The following FRMD4A variants were observed in gnomAD, a reference collection of about 807,000 sequenced individuals.
The protein encoded by FRMD4A is FERM domain containing 4A, also known as FERM domain-containing protein 4A.
FRMD4A carries 29 observed loss-of-function variants against 129.1 expected under a neutral mutation model. The observed-to-expected ratio is 0.22, with a 90% confidence interval of 0.17 to 0.31. The LOEUF (loss-of-function observed/expected upper bound fraction) is 0.31. Among genes scored for constraint, FRMD4A ranks in the 10% least tolerant of loss-of-function variants. The probability of loss-of-function intolerance (pLI) is 1.00; values close to 1 mark genes in which losing one functional copy is unlikely to be tolerated. For synonymous variants in FRMD4A, 634 were observed against 571.6 expected, an observed-to-expected ratio of 1.11 and a Z score of -1.56; for missense variants, 1,272 against 1,375.8, an observed-to-expected ratio of 0.92 and a Z score of 1.19.
chr10:14,287,138 C>A (rs1026249032), intron 2 of FRMD4A, among the ~76,000 whole-genome samples: 1 of 107,266 alleles, frequency 9.3e-6, no homozygotes, highest in African/African-American at 4.6e-5. Context: ...TTTGACAGGC[C>A]CCCCGCTCCG....
intron 8 of FRMD4A, among the ~76,000 whole-genome samples, chr10:13,759,803 C>CGG (rs1272075770): frequency 3.3e-5 from 5 of 152,176 alleles, no homozygotes; most frequent in Non-Finnish European, 7.3e-5. Flanking sequence ...AAGCTACTTA[C>CGG]AGTCATTATC....
chr10:13,975,065 G>T (rs1233647510), intron 2 of FRMD4A, among the ~76,000 whole-genome samples: 1 of 151,828 alleles, frequency 6.6e-6, no homozygotes, highest in African/African-American at 2.4e-5. Flanking sequence ...GTCTGTGTGT[G>T]TATGTGTGTC....
At chr10:13,928,210 A>C (rs111842719) in intron 2 of FRMD4A, among the ~76,000 whole-genome samples, 2 of 150,724 alleles carry the variant, frequency 1.3e-5, no homozygotes, top group Non-Finnish European at 2.9e-5. Flanking sequence ...TTTGCATAGA[A>C]GAAGTCTTGC....
At chr10:13,678,009 T>C (rs1165865334) in intron 15 of FRMD4A, among the ~76,000 whole-genome samples, 1 of 152,212 alleles carries the variant, frequency 6.6e-6, no homozygotes, top group African/African-American at 2.4e-5. Flanking sequence ...GAATTAACTG[T>C]GTTCTGGAAT....
At chr10:13,990,750 G>C (rs1228836888) in intron 2 of FRMD4A, among the ~76,000 whole-genome samples, 2 of 152,196 alleles carry the variant, frequency 1.3e-5, no homozygotes, top group Non-Finnish European at 2.9e-5. Flanking sequence ...ACTCAGAAAC[G>C]TGTAAGTGCC....
intron 2 of FRMD4A, among the ~76,000 whole-genome samples, chr10:14,200,104 T>C (rs1842592058): frequency 6.7e-6 from 1 of 149,084 alleles, no homozygotes; most frequent in Non-Finnish European, 1.5e-5. Context: ...CACAGCTCAC[T>C]ACAGCCATGA....
At chr10:13,942,315 G>T (rs2095298625) in intron 2 of FRMD4A, among the ~76,000 whole-genome samples, 1 of 152,180 alleles carries the variant, frequency 6.6e-6, no homozygotes, top group African/African-American at 2.4e-5. Context: ...CCCTCCCTGT[G>T]TACTGCCTGG....
intron 12 of FRMD4A, among the ~76,000 whole-genome samples, chr10:13,731,723 G>C (rs1003716272): frequency 2.0e-5 from 3 of 150,954 alleles, no homozygotes. Flanking sequence ...CTCTTAAAAA[G>C]AACTTATATA....
chr10:14,314,506 GGA>G (rs1199826984), intron 2 of FRMD4A, among the ~76,000 whole-genome samples: 1 of 152,048 alleles, frequency 6.6e-6, no homozygotes, highest in Non-Finnish European at 1.5e-5. Context: ...GGAGCTTCTG[GGA>G]GAGATTTTCC....
intron 3 of FRMD4A, among the ~76,000 whole-genome samples, chr10:13,833,713 T>C (rs914141088): frequency 3.9e-5 from 6 of 152,038 alleles, no homozygotes; most frequent in Non-Finnish European, 7.4e-5. Flanking sequence ...GCCTAGCATC[T>C]CGTAAGTCTT....
rs199639328 is a variant in FRMD4A at position 13,834,267 on chromosome 10, AAAC to A, written c.112-23362_112-23360del. Among the ~76,000 whole-genome samples the A allele has an allele frequency of 2.6e-3, 398 of 152,176 alleles. 3 individuals are homozygous for A. The highest frequency in any genetic ancestry group is 8.7e-3 in the African/African-American group (362 of 41,514). The stretch of plus-strand genomic sequence containing the variant: ...CAACAGAGTAAGACTCCATCTCAGA[AAAC>A]AACAACAACAACAAAACAAAACAAA... On this transcript the variant is annotated intron_variant, in intron 3 of 24. Coordinates refer to ENST00000357447, the MANE Select transcript of FRMD4A (RefSeq NM_018027.5).
In FRMD4A at chr10:13,967,858, C is replaced by T. The variant is rs541605918; in HGVS notation, c.46-108946G>A. Reference sequence around the variant, plus strand: ...CCCAGGAGTTTGAGACCAGTCTGGACGACATGGCGAAACCCCATCTCTACA... The same window carrying T: ...CCCAGGAGTTTGAGACCAGTCTGGATGACATGGCGAAACCCCATCTCTACA... On this transcript the variant is annotated intron_variant, in intron 2 of 24. Coordinates refer to ENST00000357447, the MANE Select transcript of FRMD4A (RefSeq NM_018027.5). Among the ~76,000 whole-genome samples the T allele has an allele frequency of 1.5e-3, 226 of 152,288 alleles. 1 individual carries two copies. The highest frequency in any genetic ancestry group is 3.4e-3 in the Middle Eastern group (1 of 294).
At chr10:13,734,637 G>C (rs1245724922) in intron 12 of FRMD4A, among the ~76,000 whole-genome samples, 1 of 129,838 alleles carries the variant, frequency 7.7e-6, no homozygotes, top group Non-Finnish European at 1.7e-5. Context: ...CTTCCTCTGT[G>C]GGGACTTCTC....
At chr10:14,121,076 C>T (rs1838484606) in intron 2 of FRMD4A, among the ~76,000 whole-genome samples, 1 of 152,198 alleles carries the variant, frequency 6.6e-6, no homozygotes, top group African/African-American at 2.4e-5. Flanking sequence ...TTTGCTAAAA[C>T]ACAGATTCTG....
chr10:14,147,654 C>A (rs1432525409), intron 2 of FRMD4A, among the ~76,000 whole-genome samples: 5 of 152,066 alleles, frequency 3.3e-5, no homozygotes, highest in African/African-American at 1.2e-4. Flanking sequence ...CAGTTCACAA[C>A]AGGGTCTGCA....
intron 2 of FRMD4A, among the ~76,000 whole-genome samples, chr10:14,051,895 C>T (rs1450362726): frequency 6.6e-6 from 1 of 152,232 alleles, no homozygotes. Context: ...AATAGTGTCT[C>T]ACCCTCAATT....
intron 2 of FRMD4A, among the ~76,000 whole-genome samples, chr10:14,035,658 C>T (rs971814707): frequency 1.3e-5 from 2 of 152,270 alleles, no homozygotes; most frequent in South Asian, 4.2e-4. Context: ...CAGGAAAGGG[C>T]ATCTGGGACC....
At chr10:14,171,726 C>T (rs576326365) in intron 2 of FRMD4A, among the ~76,000 whole-genome samples, 2 of 151,688 alleles carry the variant, frequency 1.3e-5, no homozygotes, top group Admixed American at 6.6e-5. Context: ...TGCATGATGT[C>T]CAATTTACCT....
intron 16 of FRMD4A, 147 bp downstream of exon 16, chr10:13,674,764 G>T: frequency 2.4e-6 from 2 of 842,942 alleles, no homozygotes; most frequent in Non-Finnish European, 3.8e-6. Flanking sequence ...GCCCAGATAG[G>T]CCCTCTTTTT....
Sources: gnomAD v4.1 joint callset for allele counts (sites outside exome capture counted in the v4.1 genomes callset) on GRCh38, gnomAD v4.1.1 for gene constraint, MANE v1.5 for transcripts, NCBI Gene and HGNC (gene_info 2026-07-23, HGNC 2026-07-21) for gene names.